Variants in DAB1 observed in about 807,000 individuals in gnomAD.
DAB1 encodes the protein disabled homolog 1.
DAB1 carries 15 observed loss-of-function variants against 64.6 expected under a neutral mutation model. The observed-to-expected ratio is 0.23, with a 90% CI of 0.16 to 0.36. The LOEUF (loss-of-function observed/expected upper bound fraction) is 0.36, where lower values mean the gene tolerates loss of function less well. Among genes scored for constraint, DAB1 ranks in the 10% least tolerant of loss-of-function variants. The probability of loss-of-function intolerance (pLI) is 1.00; values close to 1 mark genes in which losing one functional copy is unlikely to be tolerated. For missense variants in DAB1, 596 were observed against 706.7 expected, an observed-to-expected ratio of 0.84 and a Z score of 1.78; for synonymous variants, 235 against 251.9, an observed-to-expected ratio of 0.93 and a Z score of 0.64.
chr1:57,968,002 TAATAAATACACAATATAAATG>T (rs1039977390), intron 5 of DAB1, among the ~76,000 whole-genome samples: 2 of 152,196 alleles, frequency 1.3e-5, no homozygotes, highest in African/African-American at 2.4e-5. Flanking sequence ...GCCGAACATG[TAATAAATACACAATATAAATG>T]ATATTTTATT....
chr1:58,232,590 G>A (rs1259067728), intron 4 of DAB1, among the ~76,000 whole-genome samples: 1 of 151,832 alleles, frequency 6.6e-6, no homozygotes, highest in Non-Finnish European at 1.5e-5. Context: ...GAAGGAGGGA[G>A]AAGGATGTTA....
intron 4 of DAB1, among the ~76,000 whole-genome samples, chr1:58,224,686 C>T (rs1328089233): frequency 6.6e-6 from 1 of 152,008 alleles, no homozygotes; most frequent in Non-Finnish European, 1.5e-5. Flanking sequence ...TTTGTTAATC[C>T]CCATTTAGTA....
At chr1:58,146,941 C>A (rs1654629975) in intron 5 of DAB1, among the ~76,000 whole-genome samples, 1 of 152,016 alleles carries the variant, frequency 6.6e-6, no homozygotes, top group Admixed American at 6.5e-5. Context: ...ATCAAAAAGA[C>A]AAGAAATAGT....
At chr1:58,454,016 G>A (rs137898875) in intron 3 of DAB1, among the ~76,000 whole-genome samples, 10 of 152,064 alleles carry the variant, frequency 6.6e-5, no homozygotes, top group East Asian at 5.8e-4. Flanking sequence ...CATCACCTCC[G>A]TGCTACACAC....
At chr1:58,401,355 A>T (rs1289936886) in intron 3 of DAB1, among the ~76,000 whole-genome samples, 1 of 152,162 alleles carries the variant, frequency 6.6e-6, no homozygotes, top group African/African-American at 2.4e-5. Flanking sequence ...GCAGGCTCCC[A>T]TAAGGGGGAT....
rs968640618 is a variant in DAB1 at position 58,257,351 on chromosome 1, C to A, written n.309+86001G>T. Among the ~76,000 whole-genome samples the A allele has an allele frequency of 2.0e-5, 3 of 152,240 alleles. No homozygotes were observed. The South Asian group carries it at 6.2e-4, about 31-fold the overall frequency. ...AGCTTGTGCATCATACAAAGGTCCC[C>A]AGATGAAGACATGAGGTTGGCCTAA... On this transcript the variant is annotated intron_variant and non_coding_transcript_variant, in intron 4 of 20. Transcript: ENST00000485760.
chr1:57,777,942 T>A (rs1649893612), intron 6 of DAB1, among the ~76,000 whole-genome samples: 1 of 152,122 alleles, frequency 6.6e-6, no homozygotes, highest in Non-Finnish European at 1.5e-5. Flanking sequence ...CAGATCACCT[T>A]GAACATTTAA....
chr1:58,255,426 TTCTCTCTC>T lies in DAB1; in HGVS notation n.309+87918_309+87925del, dbSNP rs66613225. On this transcript the variant is annotated intron_variant and non_coding_transcript_variant, in intron 4 of 20. Coordinates refer to the DAB1 transcript ENST00000485760. ...GTGAACTCTCTTGCTTGCTTGTTCATTCTCTCTCTCTCTCTCTCTCTCTCTCCTTCTAT... is the reference window on the plus strand; with the variant it reads ...GTGAACTCTCTTGCTTGCTTGTTCATTCTCTCTCTCTCTCTCTCCTTCTAT... 6.8e-3 allele frequency among the ~76,000 whole-genome samples: 1,021 copies of T among 149,186 alleles called. 13 individuals carry two copies. Among genetic ancestry groups the T allele is most frequent in the African/African-American group, 0.024 (974 of 40,494 alleles).
intron 3 of DAB1, among the ~76,000 whole-genome samples, chr1:58,405,410 G>C (rs1644608137): frequency 6.6e-6 from 1 of 151,776 alleles, no homozygotes; most frequent in Non-Finnish European, 1.5e-5. Context: ...GTGTTACCCA[G>C]GCTGTAGTTC....
intron 1 of DAB1, among the ~76,000 whole-genome samples, chr1:57,337,995 T>C (rs1038217918): frequency 2.0e-5 from 3 of 151,616 alleles, no homozygotes; most frequent in Admixed American, 2.0e-4. Context: ...CTTCTTCTTC[T>C]TCTTCTGAGA....
At position 58,512,066 on chromosome 1, in the gene DAB1, C is replaced by A. The variant is rs182004155; in HGVS notation, n.108-5857G>T. On this transcript the variant is annotated intron_variant and non_coding_transcript_variant, in intron 2 of 20. Coordinates refer to the DAB1 transcript ENST00000485760. ...ATTTCTACAACTCAATAGCAAAAAA[C>A]CCAATTTAAAAAATAGGCAAAGGAT... Among the ~76,000 whole-genome samples the A allele has an allele frequency of 5.4e-3, 826 of 152,034 alleles. 6 individuals carry two copies. Among genetic ancestry groups the A allele is most frequent in the African/African-American group, 0.019 (791 of 41,480 alleles).
rs115901223 is a variant in DAB1, at chr1:58,175,475, C to G, written n.310-24887G>C. ...CTCACTGGAAGGAACCAATTCCGGG[C>G]ACACTAACACTTGTTATTATTTGAC... On this transcript the variant is annotated intron_variant and non_coding_transcript_variant, in intron 4 of 20. Coordinates refer to the DAB1 transcript ENST00000485760. 2.3e-3 allele frequency among the ~76,000 whole-genome samples: 355 copies of G among 152,298 alleles called. 2 individuals are homozygous for G. Among genetic ancestry groups the G allele is most frequent in the African/African-American group, 7.9e-3 (328 of 41,556 alleles).
chr1:58,066,714 C>T (rs917508807), intron 5 of DAB1, among the ~76,000 whole-genome samples: 1 of 152,150 alleles, frequency 6.6e-6, no homozygotes, highest in African/African-American at 2.4e-5. Flanking sequence ...GCTGCTGCCC[C>T]AGGTGCAAAT....
At position 57,965,872 on chromosome 1, in the gene DAB1, C is replaced by G. The variant is rs142802086; in HGVS notation, n.388-81710G>C. Among the ~76,000 whole-genome samples, 3 of 152,164 alleles carry G rather than the reference C, an allele frequency of 2.0e-5. No homozygotes were observed. In the East Asian group the frequency reaches 5.8e-4, roughly 29 times the overall value. ...CATTAAAGTGGAAGACTTCCATGTA[C>G]TTGTTATGTGCATTGTGGCAAATTT... is the stretch of plus-strand genomic sequence containing the variant. On this transcript the variant is annotated intron_variant and non_coding_transcript_variant, in intron 5 of 20. Transcript: ENST00000485760.
At chr1:58,291,022 A>C (rs1032178851) in intron 4 of DAB1, among the ~76,000 whole-genome samples, 2 of 152,210 alleles carry the variant, frequency 1.3e-5, no homozygotes, top group Non-Finnish European at 2.9e-5. Flanking sequence ...AGAGAAAGAG[A>C]AATTGTCCAT....
intron 5 of DAB1, chr1:58,048,471 C>CA (rs1392686111): frequency 8.0e-7 from 1 of 1,246,660 alleles, no homozygotes; most frequent in Non-Finnish European, 1.2e-6. Flanking sequence ...CCCTGGTTTC[C>CA]ATAACCCTGT....
At chr1:57,321,980 T>C (rs1424213488) in intron 1 of DAB1, among the ~76,000 whole-genome samples, 1 of 152,226 alleles carries the variant, frequency 6.6e-6, no homozygotes, top group Non-Finnish European at 1.5e-5. Flanking sequence ...AGTTCTATTA[T>C]TGGATGGCTC....
At chr1:57,072,779 A>C (rs552107692) in intron 4 of DAB1, among the ~76,000 whole-genome samples, 2 of 152,346 alleles carry the variant, frequency 1.3e-5, no homozygotes, top group Non-Finnish European at 2.9e-5. Context: ...TTACTTAAAT[A>C]CTCGGGGACC....
In DAB1 at chr1:57,753,448, T is replaced by C. The variant is rs371990129; in HGVS notation, n.552-103783A>G. Among the ~76,000 whole-genome samples, 518 of 152,336 alleles carry C rather than the reference T, an allele frequency of 3.4e-3. 1 individual carries two copies. Among genetic ancestry groups the C allele is most frequent in the Non-Finnish European group, 5.5e-3 (375 of 68,034 alleles). On this transcript the variant is annotated intron_variant and non_coding_transcript_variant, in intron 6 of 20. Coordinates refer to the DAB1 transcript ENST00000485760. ...CGGAACCAGGAGGAAAGGATTCCAA[T>C]GTCTGGGTCTCCTCCTTAGTAGCTC... is the stretch of plus-strand genomic sequence containing the variant.
Sources: gnomAD v4.1 joint callset for allele counts (sites outside exome capture counted in the v4.1 genomes callset) on GRCh38, gnomAD v4.1.1 for gene constraint, MANE v1.5 for transcripts, NCBI Gene and HGNC (gene_info 2026-07-23, HGNC 2026-07-21) for gene names.